The following GRK5 variants were observed in gnomAD, a reference collection of about 807,000 sequenced individuals.
The protein encoded by GRK5 is G protein-coupled receptor kinase 5, also known as g protein-coupled receptor kinase GRK5.
Under a neutral mutation model 78.4 loss-of-function variants are expected in GRK5, and 40 were observed. That is an observed-to-expected ratio of 0.51 (90% CI 0.40 to 0.66). The LOEUF is 0.66. Among genes scored for constraint, GRK5 ranks in the 30% least tolerant of loss-of-function variants. The pLI is 0.00. For missense variants in GRK5, 598 were observed against 759.9 expected, an observed-to-expected ratio of 0.79 and a Z score of 2.50; for synonymous variants, 289 against 296.8, an observed-to-expected ratio of 0.97 and a Z score of 0.27.
chr10:119,419,300 G>A (rs910724974), intron 4 of GRK5, among the ~76,000 whole-genome samples: 5 of 152,222 alleles, frequency 3.3e-5, no homozygotes, highest in African/African-American at 1.2e-4. Context: ...CGCAGCCAGC[G>A]GAGGGCCTTC....
chr10:119,368,287 T>C (rs1303476093), intron 2 of GRK5, among the ~76,000 whole-genome samples: 1 of 152,176 alleles, frequency 6.6e-6, no homozygotes. Flanking sequence ...TTGGCGCCCC[T>C]CAGAGCCCCA....
chr10:119,327,902 C>T (rs1464524933), intron 2 of GRK5, among the ~76,000 whole-genome samples: 1 of 152,200 alleles, frequency 6.6e-6, no homozygotes. Context: ...GTTCTCGGGC[C>T]GAGAATGCTG....
intron 1 of GRK5, among the ~76,000 whole-genome samples, chr10:119,308,972 C>T (rs1171621783): frequency 6.6e-6 from 1 of 152,228 alleles, no homozygotes; most frequent in African/African-American, 2.4e-5. Context: ...TTCCCAGGGC[C>T]TGTCTGGGAG....
chr10:119,408,341 CAAA>C (rs67973033), intron 4 of GRK5, among the ~76,000 whole-genome samples: 13 of 48,698 alleles, frequency 2.7e-4, no homozygotes, highest in South Asian at 2.1e-3. Flanking sequence ...AACCCTGTCT[CAAA>C]AAAAAAAAAA....
intron 1 of GRK5, among the ~76,000 whole-genome samples, chr10:119,209,497 T>TG (rs1317984188): frequency 1.1e-4 from 6 of 55,778 alleles, no homozygotes; most frequent in African/African-American, 5.2e-4. Context: ...GTTTTTTTTT[T>TG]TTTTTTTTTT....
intron 4 of GRK5, 135 bp from the exon 5 acceptor site, chr10:119,423,031 A>C: frequency 1.4e-6 from 1 of 693,448 alleles, no homozygotes; most frequent in South Asian, 1.6e-5. Flanking sequence ...CAGGTCACAC[A>C]CTGGGGCACA....
At chr10:119,401,542 A>T (rs539678705) in intron 4 of GRK5, among the ~76,000 whole-genome samples, 1 of 152,172 alleles carries the variant, frequency 6.6e-6, no homozygotes, top group Non-Finnish European at 1.5e-5. Flanking sequence ...TTTGGGCTGC[A>T]TGGGTTTGGG....
At chr10:119,208,358 T>C (rs566153107) in intron 1 of GRK5, among the ~76,000 whole-genome samples, 1 of 151,236 alleles carries the variant, frequency 6.6e-6, no homozygotes, top group African/African-American at 2.4e-5. Context: ...CTGGTGTGTG[T>C]GTTCGAGGGG....
At chr10:119,226,000 C>T (rs1848732506) in intron 1 of GRK5, among the ~76,000 whole-genome samples, 2 of 152,136 alleles carry the variant, frequency 1.3e-5, no homozygotes, top group African/African-American at 4.8e-5. Flanking sequence ...AGGTGCCCGC[C>T]ACCATGCCTT....
chr10:119,441,974 C>T (rs370757498), intron 10 of GRK5, 25 bp from the exon 11 acceptor site: 23 of 1,595,790 alleles, frequency 1.4e-5, no homozygotes, highest in Non-Finnish European at 1.8e-5. Flanking sequence ...TCCCAGGGAC[C>T]CACTGACCCT....
rs35412666 is a variant in GRK5 at position 119,380,893 on chromosome 10, G to T, written c.227G>T (p.Gly76Val). ...LFRQFCETRPGLECYIQFLDS... is the reference protein window; with the variant it reads ...LFRQFCETRPVLECYIQFLDS... ...CGGCAGTTTTGTGAAACCAGGCCTG[G>T]GCTGGAGTGTTACATTCAGTTCCTG... The change falls in exon 3 of 16, where the codon GGG becomes GTG. Residue 76 changes from glycine (G) to valine (V), a missense_variant. Physicochemically the swap from Gly to Val is moderately radical, Grantham distance 109 (BLOSUM62 -3). Coordinates refer to ENST00000392870, the MANE Select transcript of GRK5 (RefSeq NM_005308.3). The T allele has an allele frequency of 6.2e-7, 1 of 1,613,322 alleles. No individual in the cohort carries two copies. Among genetic ancestry groups the T allele is most frequent in the Non-Finnish European group, 8.5e-7 (1 of 1,179,242 alleles).
chr10:119,415,410 G>A (rs1852430502), intron 4 of GRK5, among the ~76,000 whole-genome samples: 1 of 152,188 alleles, frequency 6.6e-6, no homozygotes, highest in Non-Finnish European at 1.5e-5. Flanking sequence ...CGGGCAGGGT[G>A]TTGGGGGCCA....
chr10:119,309,683 C>A (rs534450669), intron 1 of GRK5, among the ~76,000 whole-genome samples: 2 of 152,162 alleles, frequency 1.3e-5, no homozygotes, highest in African/African-American at 4.8e-5. Context: ...TGGACAGAGA[C>A]CAGATGTGAA....
Position 119,439,969 on chromosome 10 carries a change from C to T in GRK5, c.967+201C>T, listed in dbSNP as rs188888440. On this transcript the variant is annotated intron_variant, in intron 10 of 15. Transcript: ENST00000392870. ...GGTGAACAGGCAGTGTTCAGAGAGA[C>T]TTTGAAATTCAGAGTTTTTGAAATT... 1.4e-3 allele frequency among the ~76,000 whole-genome samples: 214 copies of T among 152,280 alleles called. 2 individuals are homozygous for T. The highest frequency in any genetic ancestry group is 1.8e-3 in the Non-Finnish European group (124 of 68,024).
intron 1 of GRK5, among the ~76,000 whole-genome samples, chr10:119,256,236 ACT>A (rs1216659474): frequency 6.6e-6 from 1 of 151,652 alleles, no homozygotes; most frequent in Non-Finnish European, 1.5e-5. Flanking sequence ...TCCTGTGGAG[ACT>A]CTGCATTCCC....
intron 4 of GRK5, among the ~76,000 whole-genome samples, chr10:119,418,761 T>G (rs1852512838): frequency 6.6e-6 from 1 of 152,186 alleles, no homozygotes; most frequent in Non-Finnish European, 1.5e-5. Flanking sequence ...AGTCGAGGTC[T>G]GCAGCTAGAG....
chr10:119,388,796 C>T lies in GRK5; in HGVS notation c.261+7869C>T, dbSNP rs74724853. On this transcript the variant is annotated intron_variant, in intron 3 of 15. Coordinates refer to ENST00000392870, the MANE Select transcript of GRK5 (RefSeq NM_005308.3). ...ATTAAGAAGTTGGCTGGGCTGCAGT[C>T]ATCTGAAGGCTTGACCGTAGCTGGA... 5.9e-5 allele frequency among the ~76,000 whole-genome samples: 9 copies of T among 152,352 alleles called. No individual in the cohort carries two copies. In the East Asian group the frequency reaches 1.2e-3, roughly 20 times the overall value.
At chr10:119,447,504 C>G (rs531945033) in intron 12 of GRK5, among the ~76,000 whole-genome samples, 1 of 152,178 alleles carries the variant, frequency 6.6e-6, no homozygotes, top group Non-Finnish European at 1.5e-5. Context: ...ACCCCTCCCC[C>G]TACCCACACC....
At chr10:119,261,193 C>G (rs571410568) in intron 1 of GRK5, among the ~76,000 whole-genome samples, 1 of 149,398 alleles carries the variant, frequency 6.7e-6, no homozygotes, top group African/African-American at 2.5e-5. Context: ...GGGCGGCTGC[C>G]GGGCGGAGGG....
Sources: allele counts gnomAD v4.1 joint callset (sites outside exome capture counted in the v4.1 genomes callset), GRCh38; gene constraint gnomAD v4.1.1; transcripts MANE v1.5; gene names NCBI Gene and HGNC (gene_info 2026-07-23, HGNC 2026-07-21).